CAMTA1: variants seen among roughly 807,000 people sequenced by gnomAD.
CAMTA1 encodes the protein calmodulin-binding transcription activator 1.
CAMTA1 carries 27 observed loss-of-function variants against 170.9 expected under a neutral mutation model. The observed-to-expected ratio is 0.16, with a 90% CI of 0.12 to 0.22. CAMTA1 has a LOEUF of 0.22. Among genes scored for constraint, CAMTA1 ranks in the 10% least tolerant of loss-of-function variants. The pLI, the probability that CAMTA1 is intolerant of heterozygous loss-of-function variation, is 1.00. For missense variants in CAMTA1, 1,619 were observed against 2,217.2 expected (o/e 0.73, Z 5.42); for synonymous variants, 833 against 891.5 (o/e 0.93, Z 1.17).
At chr1:7,372,279 T>A (rs769550931) in intron 5 of CAMTA1, among the ~76,000 whole-genome samples, 43 of 152,170 alleles carry the variant, frequency 2.8e-4, no homozygotes, top group Admixed American at 6.5e-4. Flanking sequence ...TGCAGGTCCT[T>A]TAGGGGACAG....
chr1:7,022,269 C>T (rs1411715455), intron 3 of CAMTA1, among the ~76,000 whole-genome samples: 1 of 152,196 alleles, frequency 6.6e-6, no homozygotes, highest in Non-Finnish European at 1.5e-5. Flanking sequence ...CAGCAGGGTA[C>T]CTTTGATGCT....
chr1:7,654,683 G>GCACACAAACACCCCTATA (rs1558062132), intron 7 of CAMTA1, among the ~76,000 whole-genome samples: 1 of 115,278 alleles, frequency 8.7e-6, no homozygotes, highest in Non-Finnish European at 1.7e-5. Flanking sequence ...CACACTCCAT[G>GCACACAAACACCCCTATA]CACACAAACA....
intron 4 of CAMTA1, among the ~76,000 whole-genome samples, chr1:7,121,029 A>T (rs887339979): frequency 1.3e-5 from 2 of 152,250 alleles, no homozygotes; most frequent in African/African-American, 4.8e-5. Flanking sequence ...CAATTCTGCC[A>T]GTGGTATCTA....
intron 6 of CAMTA1, among the ~76,000 whole-genome samples, chr1:7,564,096 G>A (rs67356722): frequency 0.2 from 30,311 of 152,080 alleles, 3,621 homozygotes; most frequent in East Asian, 0.42. Flanking sequence ...CAGAAACATC[G>A]TTCTAGGTGC....
chr1:7,510,408 C>T (rs781363028), intron 6 of CAMTA1, among the ~76,000 whole-genome samples: 1 of 145,740 alleles, frequency 6.9e-6, no homozygotes, highest in African/African-American at 2.4e-5. Flanking sequence ...CACCTTGCTT[C>T]GCCCCTGGGG....
At chr1:7,601,499 G>A (rs2095442484) in intron 6 of CAMTA1, among the ~76,000 whole-genome samples, 1 of 148,680 alleles carries the variant, frequency 6.7e-6, no homozygotes, top group Admixed American at 6.6e-5. Context: ...CCAGACGATG[G>A]GCGGCCAGGC....
chr1:7,666,946 T>C (rs929822034), intron 9 of CAMTA1, among the ~76,000 whole-genome samples: 2 of 152,142 alleles, frequency 1.3e-5, no homozygotes, highest in African/African-American at 2.4e-5. Flanking sequence ...TGGAGTGCAA[T>C]GGCGCCATCT....
At chr1:7,103,210 T>C (rs936675185) in intron 4 of CAMTA1, among the ~76,000 whole-genome samples, 5 of 151,988 alleles carry the variant, frequency 3.3e-5, no homozygotes, top group Non-Finnish European at 5.9e-5. Flanking sequence ...GCCCTAGGGA[T>C]GGACAATGAA....
chr1:7,157,126 A>G (rs1341602395), intron 4 of CAMTA1, among the ~76,000 whole-genome samples: 7 of 151,894 alleles, frequency 4.6e-5, no homozygotes, highest in Non-Finnish European at 7.4e-5. Flanking sequence ...GGCAGTTCAC[A>G]AGGTCAGGAG....
At chr1:7,691,540 G>A (rs1386471988) in intron 11 of CAMTA1, among the ~76,000 whole-genome samples, 1 of 152,182 alleles carries the variant, frequency 6.6e-6, no homozygotes, top group Non-Finnish European at 1.5e-5. Flanking sequence ...GCAGTTCTGG[G>A]GGCACAGGGA....
At chr1:7,431,783 C>A (rs979439016) in intron 5 of CAMTA1, among the ~76,000 whole-genome samples, 8 of 152,198 alleles carry the variant, frequency 5.3e-5, no homozygotes, top group East Asian at 3.9e-4. Context: ...CTCTTCCCTG[C>A]AGATCTTTGA....
At chr1:7,606,761 C>T (rs1158074597) in intron 6 of CAMTA1, among the ~76,000 whole-genome samples, 1 of 152,182 alleles carries the variant, frequency 6.6e-6, no homozygotes, top group Non-Finnish European at 1.5e-5. Context: ...AGAGGCCTGT[C>T]CCACTGATGA....
intron 11 of CAMTA1, among the ~76,000 whole-genome samples, chr1:7,704,736 A>T (rs1024959731): frequency 1.4e-5 from 2 of 146,472 alleles, no homozygotes; most frequent in African/African-American, 4.9e-5. Flanking sequence ...AGACCGCGGT[A>T]CCCGGAGCCC....
chr1:7,469,672 C>T (rs1384188205), intron 6 of CAMTA1, among the ~76,000 whole-genome samples: 2 of 152,210 alleles, frequency 1.3e-5, no homozygotes, highest in African/African-American at 4.8e-5. Context: ...GGCTGGTCTG[C>T]TCCTCCAGGC....
In CAMTA1 at chr1:6,970,716, G is replaced by A. The variant is rs1692372063; in HGVS notation, c.235-120588G>A. Among the ~76,000 whole-genome samples the A allele has an allele frequency of 6.6e-6, 1 of 152,208 alleles. No homozygotes were observed. The highest frequency in any genetic ancestry group is 2.1e-4 in the South Asian group (1 of 4,824). On this transcript the variant is annotated intron_variant, in intron 3 of 22. Coordinates refer to ENST00000303635, the MANE Select transcript of CAMTA1 (RefSeq NM_015215.4). The surrounding 1 kb of genome is among the most constrained non-coding windows in gnomAD (Gnocchi z 4.4). The stretch of plus-strand genomic sequence containing the variant: ...GCACCTGTTCAGGACGTATCATCCA[G>A]TCCTGGTGGGTCAGGACATTCTACT...
At chr1:6,881,399 G>A (rs934854337) in intron 3 of CAMTA1, among the ~76,000 whole-genome samples, 3 of 152,194 alleles carry the variant, frequency 2.0e-5, no homozygotes, top group Admixed American at 6.5e-5. Context: ...CCGTGACCAC[G>A]TAGGTGTCTA....
intron 4 of CAMTA1, among the ~76,000 whole-genome samples, chr1:7,111,633 C>A (rs371073499): frequency 4.6e-5 from 7 of 152,206 alleles, no homozygotes; most frequent in African/African-American, 1.7e-4. Flanking sequence ...CACCTGTAAT[C>A]CCAGCACTTT....
intron 5 of CAMTA1, among the ~76,000 whole-genome samples, chr1:7,341,503 A>G (rs533085264): frequency 2.0e-5 from 3 of 152,312 alleles, no homozygotes; most frequent in Admixed American, 1.3e-4. Flanking sequence ...TCTGGTAAGG[A>G]AGAATATGCC....
intron 3 of CAMTA1, among the ~76,000 whole-genome samples, chr1:6,903,394 A>G (rs1295159625): frequency 6.6e-6 from 1 of 152,252 alleles, no homozygotes; most frequent in Non-Finnish European, 1.5e-5. Flanking sequence ...TATGTTAATT[A>G]TACCTTAATT....
Sources: allele counts gnomAD v4.1 joint callset (sites outside exome capture counted in the v4.1 genomes callset), GRCh38; gene constraint gnomAD v4.1.1; non-coding constraint Gnocchi (gnomAD v3.1); transcripts MANE v1.5; gene names NCBI Gene and HGNC (gene_info 2026-07-23, HGNC 2026-07-21).